Variants in ATP9B observed in about 807,000 individuals in gnomAD.
ATP9B encodes the protein probable phospholipid-transporting ATPase IIB.
In ATP9B, 110 loss-of-function variants were observed where a neutral mutation model predicts 146.1. The observed-to-expected ratio is 0.75, with a 90% confidence interval of 0.65 to 0.88. ATP9B has a LOEUF of 0.88. Among genes scored for constraint, ATP9B ranks in the 40% least tolerant of loss-of-function variants. The pLI is 0.00. For missense variants in ATP9B, 1,499 were observed against 1,496.4 expected, an observed-to-expected ratio of 1.00 and a Z score of -0.03; for synonymous variants, 604 against 569.7, an observed-to-expected ratio of 1.06 and a Z score of -0.86.
At chr18:79,349,259 T>C (rs2096908910) in intron 25 of ATP9B, among the ~76,000 whole-genome samples, 2 of 152,222 alleles carry the variant, frequency 1.3e-5, no homozygotes, top group Admixed American at 6.5e-5. Context: ...ATGCCCACCT[T>C]AACCAGGTTC....
chr18:79,183,894 T>C (rs981347308), intron 8 of ATP9B, among the ~76,000 whole-genome samples: 1 of 152,074 alleles, frequency 6.6e-6, no homozygotes, highest in Non-Finnish European at 1.5e-5. Flanking sequence ...TGTCCCCATA[T>C]GTTTATACAA....
intron 15 of ATP9B, among the ~76,000 whole-genome samples, chr18:79,320,890 G>A (rs2096712138): frequency 6.6e-6 from 1 of 151,844 alleles, no homozygotes; most frequent in Non-Finnish European, 1.5e-5. Flanking sequence ...TTACACACTA[G>A]GAAACCTCCG....
At chr18:79,141,962 G>A (rs2094519565) in intron 5 of ATP9B, among the ~76,000 whole-genome samples, 1 of 152,170 alleles carries the variant, frequency 6.6e-6, no homozygotes, top group Admixed American at 6.5e-5. Flanking sequence ...TTGGCAAAGA[G>A]GACAGCAAAT....
chr18:79,362,953 A>C (rs2096998975), intron 26 of ATP9B: 1 of 152,218 alleles, frequency 6.6e-6, no homozygotes, highest in Non-Finnish European at 1.5e-5. Flanking sequence ...TTATCTTTTG[A>C]AATGTATATT....
intron 11 of ATP9B, among the ~76,000 whole-genome samples, chr18:79,241,364 T>C (rs2144708765): frequency 6.6e-6 from 1 of 152,272 alleles, no homozygotes; most frequent in South Asian, 2.1e-4. Flanking sequence ...CAGGAAGTCT[T>C]GACAAACGAC....
At chr18:79,252,058 C>G (rs532303192) in intron 11 of ATP9B, among the ~76,000 whole-genome samples, 1 of 152,340 alleles carries the variant, frequency 6.6e-6, no homozygotes, top group East Asian at 1.9e-4. Flanking sequence ...CCACCACTTA[C>G]AGATGAGGAA....
In ATP9B at chr18:79,294,395, G is replaced by A. The variant is rs890476155; in HGVS notation, c.1412-9209G>A. 2.0e-5 allele frequency among the ~76,000 whole-genome samples: 3 copies of A among 152,236 alleles called. No homozygotes were observed. The South Asian group carries it at 6.2e-4, about 31-fold the overall frequency. On this transcript the variant is annotated intron_variant, in intron 13 of 29. Transcript: ENST00000426216. Reference sequence around the variant, plus strand: ...CTGATGGAAGGACGCTCCCTGCGCTGCAGCAGTCTCCACGGAACCTTGCCT... The same window carrying A: ...CTGATGGAAGGACGCTCCCTGCGCTACAGCAGTCTCCACGGAACCTTGCCT...
chr18:79,336,422 G>C (rs912342988), intron 17 of ATP9B, among the ~76,000 whole-genome samples: 1 of 152,264 alleles, frequency 6.6e-6, no homozygotes, highest in Non-Finnish European at 1.5e-5. Flanking sequence ...AGTAGGATTT[G>C]AGATACCAGA....
intron 15 of ATP9B, among the ~76,000 whole-genome samples, chr18:79,322,146 T>C (rs2096719666): frequency 6.6e-6 from 1 of 152,068 alleles, no homozygotes; most frequent in Admixed American, 6.5e-5. Flanking sequence ...TGCCCTGAAT[T>C]ACAGGACTGC....
intron 11 of ATP9B, among the ~76,000 whole-genome samples, chr18:79,223,699 A>G (rs1164913642): frequency 6.6e-6 from 1 of 152,216 alleles, no homozygotes; most frequent in Non-Finnish European, 1.5e-5. Context: ...CTTCACTTGC[A>G]TACCCGGCAC....
At chr18:79,318,944 T>C (rs2096698663) in intron 15 of ATP9B, among the ~76,000 whole-genome samples, 2 of 152,206 alleles carry the variant, frequency 1.3e-5, no homozygotes, top group African/African-American at 4.8e-5. Flanking sequence ...GTGGTCTTCC[T>C]TTAACTCGTG....
At chr18:79,268,278 A>G (rs573254947) in intron 12 of ATP9B, among the ~76,000 whole-genome samples, 1 of 152,062 alleles carries the variant, frequency 6.6e-6, no homozygotes, top group East Asian at 1.9e-4. Context: ...TTAGCATGCC[A>G]TCTTGTAATT....
intron 11 of ATP9B, among the ~76,000 whole-genome samples, chr18:79,242,420 A>G (rs1207444867): frequency 6.6e-6 from 1 of 152,232 alleles, no homozygotes; most frequent in Non-Finnish European, 1.5e-5. Context: ...GTGTATATCA[A>G]ATAGTTTACA....
At position 79,187,346 on chromosome 18, in the gene ATP9B, T is replaced by A. The variant is rs1352341215; in HGVS notation, c.874-5837T>A. On this transcript the variant is annotated intron_variant, in intron 8 of 29. Transcript: ENST00000426216. Reference sequence around the variant, plus strand: ...GTCATCTCTGATACGTGGGTTCCAGTGACTGCCCCACCTCCACACTGTCCC... The same window carrying A: ...GTCATCTCTGATACGTGGGTTCCAGAGACTGCCCCACCTCCACACTGTCCC... Among the ~76,000 whole-genome samples the A allele has an allele frequency of 2.0e-5, 3 of 152,256 alleles. No individual in the cohort carries two copies. In the South Asian group the frequency reaches 6.2e-4, roughly 32 times the overall value.
intron 12 of ATP9B, among the ~76,000 whole-genome samples, chr18:79,269,888 A>T (rs1487341690): frequency 6.6e-6 from 1 of 152,234 alleles, no homozygotes; most frequent in Non-Finnish European, 1.5e-5. Flanking sequence ...CCTGAGGCGC[A>T]TCCTTGCCTC....
chr18:79,130,664 G>A (rs144168034), intron 5 of ATP9B, among the ~76,000 whole-genome samples: 2 of 152,218 alleles, frequency 1.3e-5, no homozygotes, highest in African/African-American at 4.8e-5. Context: ...TAACCAAGCA[G>A]CTGACACCCA....
At chr18:79,344,436 C>T in intron 21 of ATP9B, 82 bp downstream of exon 21, 8 of 1,301,170 alleles carry the variant, frequency 6.1e-6, no homozygotes, top group Non-Finnish European at 8.8e-6. Context: ...CTGTTTGTCT[C>T]TCAGGCAAGG....
intron 9 of ATP9B, among the ~76,000 whole-genome samples, chr18:79,204,781 A>G (rs569536234): frequency 2.0e-5 from 3 of 152,342 alleles, no homozygotes; most frequent in Non-Finnish European, 2.9e-5. Flanking sequence ...CCTTAAGACC[A>G]TTGACATCAC....
intron 8 of ATP9B, among the ~76,000 whole-genome samples, chr18:79,190,893 G>T (rs1038062443): frequency 2.7e-5 from 4 of 149,278 alleles, no homozygotes; most frequent in Non-Finnish European, 6.0e-5. Context: ...CAGGATTTGG[G>T]GGTTTTTTTT....
Sources: gnomAD v4.1 joint callset for allele counts (sites outside exome capture counted in the v4.1 genomes callset) on GRCh38, gnomAD v4.1.1 for gene constraint, MANE v1.5 for transcripts, NCBI Gene and HGNC (gene_info 2026-07-23, HGNC 2026-07-21) for gene names.